The following ENTREP2 variants were observed in gnomAD, a reference collection of about 807,000 sequenced individuals.
ENTREP2 encodes protein ENTREP2.
the ENTREP2 span, among the ~76,000 whole-genome samples, chr15:29,539,682 A>T: frequency 8.5e-5 from 13 of 152,114 alleles, no homozygotes; most frequent in African/African-American, 2.7e-4. Flanking sequence ...AAGCAACAGA[A>T]TCAAGTTGGC....
At chr15:29,189,369 C>G in the ENTREP2 span, among the ~76,000 whole-genome samples, 1 of 150,918 alleles carries the variant, frequency 6.6e-6, no homozygotes. Flanking sequence ...TCAGAAGTCT[C>G]GTGCTGAGTG....
chr15:29,348,322 C>G, the ENTREP2 span, among the ~76,000 whole-genome samples: 1 of 151,986 alleles, frequency 6.6e-6, no homozygotes, highest in Non-Finnish European at 1.5e-5. Context: ...GAAATGGAAA[C>G]AGGGGGAGGT....
At chr15:29,230,076 T>C in the ENTREP2 span, among the ~76,000 whole-genome samples, 1 of 152,182 alleles carries the variant, frequency 6.6e-6, no homozygotes, top group Non-Finnish European at 1.5e-5. Flanking sequence ...GATATCATAC[T>C]CTCATTCATT....
At chr15:29,346,451 A>G in the ENTREP2 span, among the ~76,000 whole-genome samples, 10 of 151,242 alleles carry the variant, frequency 6.6e-5, no homozygotes, top group African/African-American at 2.0e-4. Context: ...CCCCACCCCA[A>G]GACAGTAGAA....
At chr15:29,211,248 C>T in the ENTREP2 span, among the ~76,000 whole-genome samples, 35 of 152,310 alleles carry the variant, frequency 2.3e-4, no homozygotes, top group African/African-American at 8.2e-4. Context: ...ATCCCCTCTA[C>T]GATGAAGCCA....
the ENTREP2 span, among the ~76,000 whole-genome samples, chr15:29,608,249 C>T: frequency 6.6e-6 from 1 of 152,246 alleles, no homozygotes; most frequent in East Asian, 1.9e-4. Context: ...CAGTACTAAT[C>T]ATCACAAAGG....
the ENTREP2 span, among the ~76,000 whole-genome samples, chr15:29,552,425 C>A: frequency 6.6e-6 from 1 of 151,872 alleles, no homozygotes; most frequent in Admixed American, 6.6e-5. Context: ...AAACAGTACA[C>A]GCACACACTC....
chr15:29,342,290 G>A, the ENTREP2 span, among the ~76,000 whole-genome samples: 1 of 152,196 alleles, frequency 6.6e-6, no homozygotes, highest in Non-Finnish European at 1.5e-5. Flanking sequence ...TGCGTTCCAT[G>A]CATCTTGATT....
chr15:29,394,156 GTA>G, the ENTREP2 span, among the ~76,000 whole-genome samples: 1 of 152,130 alleles, frequency 6.6e-6, no homozygotes, highest in Non-Finnish European at 1.5e-5. Flanking sequence ...GTAAATGGAC[GTA>G]TATACCATGT....
chr15:29,224,194 C>T, the ENTREP2 span, among the ~76,000 whole-genome samples: 1 of 152,060 alleles, frequency 6.6e-6, no homozygotes, highest in Non-Finnish European at 1.5e-5. Context: ...GTGAGTGTTA[C>T]AGCTCTCAAA....
At chr15:29,527,016 ACTTTC>A in the ENTREP2 span, among the ~76,000 whole-genome samples, 1 of 152,114 alleles carries the variant, frequency 6.6e-6, no homozygotes, top group South Asian at 2.1e-4. Flanking sequence ...ATTTGGCCAC[ACTTTC>A]CTTCTGCTGA....
At chr15:29,414,595 GAAGC>G in the ENTREP2 span, among the ~76,000 whole-genome samples, 1 of 152,132 alleles carries the variant, frequency 6.6e-6, no homozygotes, top group East Asian at 1.9e-4. Context: ...AAGAACTAGA[GAAGC>G]AAGAGCAAAC....
At chr15:29,393,901 A>C in the ENTREP2 span, among the ~76,000 whole-genome samples, 14 of 152,286 alleles carry the variant, frequency 9.2e-5, no homozygotes, top group African/African-American at 3.4e-4. Flanking sequence ...CTTTCAAAAA[A>C]ACAAAATGTT....
the ENTREP2 span, among the ~76,000 whole-genome samples, chr15:29,141,223 A>C: frequency 6.6e-6 from 1 of 152,194 alleles, no homozygotes; most frequent in African/African-American, 2.4e-5. Context: ...GAAGAGGTCA[A>C]CCTGCCTGGG....
chr15:29,550,269 C>A, the ENTREP2 span, among the ~76,000 whole-genome samples: 3 of 151,662 alleles, frequency 2.0e-5, no homozygotes, highest in African/African-American at 7.3e-5. Context: ...CTAACACTCA[C>A]ACAAAAAAAA....
the ENTREP2 span, among the ~76,000 whole-genome samples, chr15:29,361,241 T>C: frequency 1.3e-5 from 2 of 152,196 alleles, no homozygotes; most frequent in South Asian, 2.1e-4. Flanking sequence ...GAAAAGAGCA[T>C]GCCCTCTGAA....
At chr15:29,440,268 A>G in the ENTREP2 span, among the ~76,000 whole-genome samples, 1 of 152,170 alleles carries the variant, frequency 6.6e-6, no homozygotes, top group Non-Finnish European at 1.5e-5. Flanking sequence ...CTGATTTTTG[A>G]GCAACTCCCC....
chr15:29,223,283 G>A, the ENTREP2 span, among the ~76,000 whole-genome samples: 1 of 152,182 alleles, frequency 6.6e-6, no homozygotes, highest in East Asian at 1.9e-4. Context: ...GCCGTGGGTG[G>A]CAGCCGCTCC....
At chr15:29,124,627 A>G in the ENTREP2 span, 1 of 1,443,202 alleles carries the variant, frequency 6.9e-7, no homozygotes, top group Non-Finnish European at 9.5e-7. Context: ...AGGACCCACC[A>G]ACACCCGCCC....
Sources: gnomAD v4.1 joint callset for allele counts (sites outside exome capture counted in the v4.1 genomes callset) on GRCh38, gnomAD v4.1.1 for gene constraint, MANE v1.5 for transcripts, NCBI Gene and HGNC (gene_info 2026-07-23, HGNC 2026-07-21) for gene names.